The following RORB variants were observed in gnomAD, a reference collection of about 807,000 sequenced individuals.
RORB encodes the protein nuclear receptor ROR-beta.
Under a neutral mutation model 59.1 loss-of-function variants are expected in RORB, and 6 were observed. The ratio of observed to expected loss-of-function variants is 0.10; its 90% CI spans 0.06 to 0.20. The LOEUF is 0.20. Ranked by LOEUF, RORB falls within the 10% of genes least tolerant of loss-of-function variation. The pLI, the probability that RORB is intolerant of heterozygous loss-of-function variation, is 1.00. For missense variants in RORB, 320 were observed against 560.5 expected, an observed-to-expected ratio of 0.57 and a Z score of 4.33; for synonymous variants, 215 against 204.5, an observed-to-expected ratio of 1.05 and a Z score of -0.44.
chr9:74,523,625 G>T (rs779249427), intron 1 of RORB, among the ~76,000 whole-genome samples: 8 of 151,818 alleles, frequency 5.3e-5, no homozygotes, highest in Non-Finnish European at 1.0e-4. Flanking sequence ...AAATAAACTC[G>T]TTGGCCTGAT....
At chr9:74,660,407 G>A (rs1824161046) in intron 4 of RORB, among the ~76,000 whole-genome samples, 1 of 151,960 alleles carries the variant, frequency 6.6e-6, no homozygotes, top group Admixed American at 6.6e-5. Context: ...AAAAGACCTG[G>A]GGGAAAGCAA....
intron 1 of RORB, chr9:74,498,304 G>A (rs1209505708): frequency 2.4e-6 from 1 of 415,848 alleles, no homozygotes; most frequent in Non-Finnish European, 4.4e-6. Flanking sequence ...GCGGACGCGG[G>A]ATGGAGAAAG....
At chr9:74,583,504 C>G (rs763973965) in intron 1 of RORB, among the ~76,000 whole-genome samples, 14 of 151,732 alleles carry the variant, frequency 9.2e-5, no homozygotes, top group Non-Finnish European at 1.6e-4. Flanking sequence ...TAATTTGTAA[C>G]CTAATTTGGT....
At chr9:74,524,003 C>CT (rs10666385) in intron 1 of RORB, among the ~76,000 whole-genome samples, 66,577 of 124,224 alleles carry the variant, frequency 0.54, 18,284 homozygotes, top group East Asian at 0.69. Context: ...TCAACGACAC[C>CT]TTTTTTTTTT....
intron 1 of RORB, among the ~76,000 whole-genome samples, chr9:74,592,534 C>G (rs1196487777): frequency 6.6e-6 from 1 of 152,116 alleles, no homozygotes; most frequent in Non-Finnish European, 1.5e-5. Context: ...GAGAAGAGTA[C>G]TTCAGAGAGA....
intron 1 of RORB, among the ~76,000 whole-genome samples, chr9:74,618,016 A>C (rs1450931304): frequency 1.3e-5 from 2 of 152,176 alleles, no homozygotes; most frequent in Non-Finnish European, 2.9e-5. Context: ...CTGGAACATA[A>C]ATTATATAAC....
In RORB at chr9:74,558,524, A is replaced by C. The variant is rs148991338; in HGVS notation, c.7+60541A>C. ...TCACTTGTTATCATAAACTGCATCC[A>C]TTCATTTGCCCGTTCATCTAACTCA... On this transcript the variant is annotated intron_variant, in intron 1 of 9. Coordinates refer to ENST00000376896, the MANE Select transcript of RORB (RefSeq NM_006914.4). 3.4e-3 allele frequency among the ~76,000 whole-genome samples: 513 copies of C among 152,302 alleles called. 2 individuals are homozygous for C. The highest frequency in any genetic ancestry group is 5.9e-3 in the Non-Finnish European group (404 of 68,016).
rs1304942675 is a variant in RORB, at chr9:74,690,951, T to A, written c.*5333T>A. On this transcript the variant is annotated 3_prime_UTR_variant, in exon 10 of 10. Coordinates refer to ENST00000376896, the MANE Select transcript of RORB (RefSeq NM_006914.4). ...TTGGGTCTCAGTGTGTTTCTTGAACTGTGTGACTTCAATATCTGTGACAAG... is the reference window on the plus strand; with the variant it reads ...TTGGGTCTCAGTGTGTTTCTTGAACAGTGTGACTTCAATATCTGTGACAAG... 1 of 152,218 alleles carries A rather than the reference T, an allele frequency of 6.6e-6. No individual in the cohort carries two copies. The highest frequency in any genetic ancestry group is 1.5e-5 in the Non-Finnish European group (1 of 68,046). The allele number at this position is 152,218 out of a possible 1,614,324, so 9.4% of individuals were successfully genotyped here.
At chr9:74,675,482 G>C (rs761098181) in intron 9 of RORB, among the ~76,000 whole-genome samples, 1 of 152,026 alleles carries the variant, frequency 6.6e-6, no homozygotes, top group African/African-American at 2.4e-5. Flanking sequence ...GTTTGACTCC[G>C]TAAAGAGAAA....
intron 1 of RORB, among the ~76,000 whole-genome samples, chr9:74,557,117 C>G (rs1822306111): frequency 6.6e-6 from 1 of 152,104 alleles, no homozygotes; most frequent in Non-Finnish European, 1.5e-5. Context: ...GAAGTTGATC[C>G]TATTCTCATC....
At chr9:74,522,292 T>A (rs926947270) in intron 1 of RORB, among the ~76,000 whole-genome samples, 1 of 151,750 alleles carries the variant, frequency 6.6e-6, no homozygotes, top group Non-Finnish European at 1.5e-5. Flanking sequence ...ATGCTGAAAA[T>A]GCCCATTATT....
At chr9:74,598,594 C>A (rs1373329382) in intron 1 of RORB, among the ~76,000 whole-genome samples, 2 of 152,036 alleles carry the variant, frequency 1.3e-5, no homozygotes, top group Non-Finnish European at 2.9e-5. Context: ...TGATACTAAT[C>A]CATAGTTTTG....
At chr9:74,554,085 C>T (rs1254498706) in intron 1 of RORB, among the ~76,000 whole-genome samples, 2 of 152,180 alleles carry the variant, frequency 1.3e-5, no homozygotes, top group Non-Finnish European at 2.9e-5. Context: ...ACAATTGGTG[C>T]TTTAACAAGC....
chr9:74,676,416 C>A (rs73650033), intron 9 of RORB, among the ~76,000 whole-genome samples: 161 of 152,330 alleles, frequency 1.1e-3, no homozygotes, highest in African/African-American at 3.7e-3. Context: ...CTGCTGATAT[C>A]CCTCAGAGGC....
intron 1 of RORB, among the ~76,000 whole-genome samples, chr9:74,520,954 A>G (rs1478072042): frequency 6.6e-6 from 1 of 151,928 alleles, no homozygotes; most frequent in Non-Finnish European, 1.5e-5. Context: ...GAGGTGTTAA[A>G]TTGAGGCAAT....
intron 1 of RORB, among the ~76,000 whole-genome samples, chr9:74,558,646 C>G (rs113691639): frequency 2.8e-4 from 43 of 151,536 alleles, no homozygotes; most frequent in African/African-American, 1.0e-3. Flanking sequence ...AAAAATATCA[C>G]AGCAATGCAA....
chr9:74,673,353 C>T (rs1476464609), intron 9 of RORB, among the ~76,000 whole-genome samples: 1 of 152,026 alleles, frequency 6.6e-6, no homozygotes, highest in East Asian at 1.9e-4. Flanking sequence ...TAAAATTAGT[C>T]TTGAAAAAAC....
rs149294914 is a variant in RORB at position 74,642,601 on chromosome 9, T to C, written c.423T>C (p.Tyr141=). ...SNLNNETSGT[Y]ANGHVIDLPK... is the part of the protein sequence containing the mutation. ...TGAACAACGAGACCAGCGGCACTTA[T>C]GCCAACGGGCACGTCATTGACCTGC... The change falls in exon 4 of 10, where the codon TAT becomes TAC. Residue 141 remains tyrosine, a synonymous_variant. Transcript: ENST00000376896. 2.5e-5 allele frequency: 41 copies of C among 1,614,238 alleles called. No individual in the cohort carries two copies. In the African/African-American group the frequency reaches 4.0e-4, roughly 16 times the overall value.
chr9:74,674,819 A>G (rs1204315096), intron 9 of RORB, among the ~76,000 whole-genome samples: 1 of 152,220 alleles, frequency 6.6e-6, no homozygotes, highest in Non-Finnish European at 1.5e-5. Context: ...TATGATACAT[A>G]GCGTATTTAT....
Sources: gnomAD v4.1 joint callset for allele counts (sites outside exome capture counted in the v4.1 genomes callset) on GRCh38, gnomAD v4.1.1 for gene constraint, MANE v1.5 for transcripts, NCBI Gene and HGNC (gene_info 2026-07-23, HGNC 2026-07-21) for gene names.